LIPK: variants seen among roughly 807,000 people sequenced by gnomAD.
The protein encoded by LIPK is lipase family member K.
A neutral mutation model predicts 48.6 loss-of-function variants in LIPK; 32 were observed. The observed-to-expected ratio is 0.66, with a 90% CI of 0.50 to 0.88. The LOEUF is 0.88. Among genes scored for constraint, LIPK ranks in the 40% least tolerant of loss-of-function variants. The pLI is 0.00. For missense variants in LIPK, 507 were observed against 478.5 expected (o/e 1.06, Z -0.56); for synonymous variants, 164 against 157.4 (o/e 1.04, Z -0.32).
intron 8 of LIPK, 97 bp downstream of exon 8, chr10:88,740,164 G>A: frequency 2.8e-6 from 2 of 708,752 alleles, no homozygotes; most frequent in Non-Finnish European, 2.3e-6. Flanking sequence ...GCTGGCACCT[G>A]CCACTGCCAC....
At chr10:88,716,313 T>C (rs561538756) in intron 1 of LIPK, among the ~76,000 whole-genome samples, 1 of 151,474 alleles carries the variant, frequency 6.6e-6, no homozygotes, top group South Asian at 2.1e-4. Context: ...TATTAAGAGA[T>C]TGGCAATAGA....
chr10:88,746,784 A>C (rs1441480075), intron 9 of LIPK, among the ~76,000 whole-genome samples: 1 of 152,168 alleles, frequency 6.6e-6, no homozygotes, highest in Non-Finnish European at 1.5e-5. Context: ...AACTGAATGA[A>C]ACTGAGATGC....
rs1038741465 is a variant in LIPK at position 88,719,294 on chromosome 10, A to G, written c.-11-5239A>G. Reference sequence around the variant, plus strand: ...TACAGATAAGAAAATTAAGTTTCAGAGAAGTTTAATTGCCTAGCAATCACA... The same window carrying G: ...TACAGATAAGAAAATTAAGTTTCAGGGAAGTTTAATTGCCTAGCAATCACA... On this transcript the variant is annotated intron_variant, in intron 1 of 9. Coordinates refer to ENST00000404190, the MANE Select transcript of LIPK (RefSeq NM_001080518.2). 2.6e-5 allele frequency among the ~76,000 whole-genome samples: 4 copies of G among 152,266 alleles called. No individual in the cohort carries two copies. In the South Asian group the frequency reaches 8.3e-4, roughly 31 times the overall value.
rs374567502 is a variant in LIPK, at chr10:88,733,978, G to C, written c.669+1427G>C. Among the ~76,000 whole-genome samples, 299 of 152,264 alleles carry C rather than the reference G, an allele frequency of 2.0e-3. 3 individuals are homozygous for C. Among genetic ancestry groups the C allele is most frequent in the African/African-American group, 6.7e-3 (280 of 41,548 alleles). On this transcript the variant is annotated intron_variant, in intron 6 of 9. Transcript: ENST00000404190. ...TGGAAGGAAGTGGTGTCATGTCTAG[G>C]AGTTTAGACTTTGTTCTGTTAATGA...
chr10:88,727,714 A>G, intron 3 of LIPK: 1 of 197,320 alleles, frequency 5.1e-6, no homozygotes, highest in Non-Finnish European at 1.0e-5. Flanking sequence ...GTGATATGGG[A>G]GGCATCACAA....
At chr10:88,750,701 T>C (rs1363901225) in intron 9 of LIPK, among the ~76,000 whole-genome samples, 2 of 152,142 alleles carry the variant, frequency 1.3e-5, no homozygotes, top group Non-Finnish European at 2.9e-5. Flanking sequence ...TATTGGGTAC[T>C]GTGCTCATTA....
rs1358604374 is a variant in LIPK, at chr10:88,732,453, A to G, written c.571A>G (p.Lys191Glu). The change falls in exon 6 of 10, where the codon AAG becomes GAG. Residue 191 changes from lysine to glutamate, a missense_variant. Coordinates refer to ENST00000404190, the MANE Select transcript of LIPK (RefSeq NM_001080518.2). ...AFSTNPELAK[K>E]IKIFFALAPV... ...TTCTACAAACCCAGAACTGGCTAAA[A>G]AGATTAAGATATTTTTTGCACTGGC... 1 of 1,613,542 alleles carries G rather than the reference A, an allele frequency of 6.2e-7. No homozygotes were observed. The highest frequency in any genetic ancestry group is 1.3e-5 in the African/African-American group (1 of 74,912).
chr10:88,740,313 A>C (rs548216329), intron 8 of LIPK, among the ~76,000 whole-genome samples: 1 of 152,290 alleles, frequency 6.6e-6, no homozygotes, highest in East Asian at 1.9e-4. Context: ...ATGATTCCAA[A>C]CTACATTTTA....
chr10:88,729,252 T>TGGGG (rs71022537), intron 3 of LIPK, among the ~76,000 whole-genome samples: 756 of 39,554 alleles, frequency 0.019, 2 homozygotes, highest in East Asian at 0.056. Context: ...GGCTATCTGT[T>TGGGG]GGGGGGGGGG....
intron 9 of LIPK, among the ~76,000 whole-genome samples, chr10:88,752,088 A>C (rs536645136): frequency 1.3e-5 from 2 of 152,290 alleles, no homozygotes; most frequent in Admixed American, 1.3e-4. Context: ...CTTGGTCTCA[A>C]TGCTCCCTGA....
At chr10:88,732,103 C>A in intron 4 of LIPK, 75 bp from the exon 5 acceptor site, 1 of 923,698 alleles carries the variant, frequency 1.1e-6, no homozygotes. Flanking sequence ...TTTATGTCTT[C>A]ACTGAACGTG....
chr10:88,734,014 T>C (rs1842521747), intron 6 of LIPK, among the ~76,000 whole-genome samples: 1 of 152,186 alleles, frequency 6.6e-6, no homozygotes, highest in Non-Finnish European at 1.5e-5. Flanking sequence ...AGGGAGGCCA[T>C]TGAAGAATAT....
intron 1 of LIPK, among the ~76,000 whole-genome samples, chr10:88,716,606 C>T (rs889103532): frequency 7.2e-5 from 11 of 152,112 alleles, no homozygotes; most frequent in African/African-American, 2.7e-4. Flanking sequence ...ATCCACACGC[C>T]TCGGCCTCCC....
At chr10:88,738,483 T>C (rs1228840420) in intron 7 of LIPK, among the ~76,000 whole-genome samples, 1 of 152,246 alleles carries the variant, frequency 6.6e-6, no homozygotes, top group Non-Finnish European at 1.5e-5. Flanking sequence ...TTTTCTTGCT[T>C]TCAGGCAAGA....
chr10:88,734,282 T>A (rs1842525705), intron 6 of LIPK, among the ~76,000 whole-genome samples: 2 of 152,236 alleles, frequency 1.3e-5, no homozygotes, highest in African/African-American at 4.8e-5. Flanking sequence ...GGCTTAAGGA[T>A]ATGATTTCAT....
intron 2 of LIPK, 27 bp downstream of exon 2, chr10:88,724,675 C>G: frequency 6.9e-7 from 1 of 1,444,282 alleles, no homozygotes; most frequent in Non-Finnish European, 9.4e-7. Context: ...GAAAAAAATG[C>G]TAAAATAAGG....
At chr10:88,723,010 G>T in intron 1 of LIPK, among the ~76,000 whole-genome samples, 1 of 148,338 alleles carries the variant, frequency 6.7e-6, no homozygotes, top group East Asian at 2.0e-4. Context: ...TCAGCCCCAT[G>T]AGTAGCTGGG....
chr10:88,743,583 T>G (rs1842719255), intron 9 of LIPK, among the ~76,000 whole-genome samples: 1 of 152,076 alleles, frequency 6.6e-6, no homozygotes, highest in Non-Finnish European at 1.5e-5. Flanking sequence ...TATTCGCTAG[T>G]AAACAACCAG....
At position 88,752,577 on chromosome 10, in the gene LIPK, G is replaced by A. The variant is rs1181021128; in HGVS notation, c.1021G>A (p.Gly341Arg). The A allele has an allele frequency of 1.9e-6, 3 of 1,571,964 alleles. No homozygotes were observed. The highest frequency in any genetic ancestry group is 2.6e-6 in the Non-Finnish European group (3 of 1,155,802). Residue 341 changes from glycine (G) to arginine (R), a missense_variant, in exon 10 of 10, where the codon GGA (glycine) becomes AGA (arginine). Coordinates refer to ENST00000404190, the MANE Select transcript of LIPK (RefSeq NM_001080518.2). ...MEVPTAIWNGGQDIVADPKDV... is the reference protein window; with the variant it reads ...MEVPTAIWNGRQDIVADPKDV... ...AGTTCCAACAGCAATATGGAATGGT[G>A]GACAGGACATTGTGGCTGATCCCAA...
Sources: allele counts gnomAD v4.1 joint callset (sites outside exome capture counted in the v4.1 genomes callset), GRCh38; gene constraint gnomAD v4.1.1; transcripts MANE v1.5; gene names NCBI Gene and HGNC (gene_info 2026-07-23, HGNC 2026-07-21).